Variants in MACROD2 observed in about 807,000 individuals in gnomAD.
MACROD2 encodes the protein ADP-ribose glycohydrolase MACROD2.
In MACROD2, 36 loss-of-function variants were observed where a neutral mutation model predicts 70.4. The observed-to-expected ratio is 0.51, with a 90% CI of 0.39 to 0.68. The LOEUF (loss-of-function observed/expected upper bound fraction) is 0.68. Among genes scored for constraint, MACROD2 ranks in the 30% least tolerant of loss-of-function variants. The probability of loss-of-function intolerance (pLI) is 0.00; values close to 1 mark genes in which losing one functional copy is unlikely to be tolerated. For synonymous variants in MACROD2, 172 were observed against 178.8 expected, an observed-to-expected ratio of 0.96 and a Z score of 0.30; for missense variants, 496 against 538.4, an observed-to-expected ratio of 0.92 and a Z score of 0.78.
chr20:14,192,878 A>C (rs1468892262), intron 3 of MACROD2, among the ~76,000 whole-genome samples: 1 of 152,216 alleles, frequency 6.6e-6, no homozygotes, highest in Non-Finnish European at 1.5e-5. Flanking sequence ...AAAGGAGCTG[A>C]AGAAAAAATG....
At chr20:14,282,567 G>A (rs2082314613) in intron 3 of MACROD2, among the ~76,000 whole-genome samples, 1 of 152,198 alleles carries the variant, frequency 6.6e-6, no homozygotes, top group South Asian at 2.1e-4. Context: ...CTTGTATTCG[G>A]CCATTCTTGG....
intron 5 of MACROD2, among the ~76,000 whole-genome samples, chr20:14,840,765 T>C (rs924393027): frequency 2.0e-5 from 3 of 152,136 alleles, no homozygotes; most frequent in Non-Finnish European, 2.9e-5. Flanking sequence ...AAGAAGTCTT[T>C]TTCACTTTAC....
intron 6 of MACROD2, among the ~76,000 whole-genome samples, chr20:15,243,100 G>A (rs539145062): frequency 2.0e-5 from 3 of 152,238 alleles, no homozygotes; most frequent in Non-Finnish European, 4.4e-5. Flanking sequence ...ACCCAGGAAC[G>A]AATGTGATCT....
intron 9 of MACROD2, among the ~76,000 whole-genome samples, chr20:15,868,956 ATTTG>A (rs2064534057): frequency 1.3e-5 from 2 of 150,532 alleles, no homozygotes; most frequent in South Asian, 2.1e-4. Context: ...AGCTAATTTT[ATTTG>A]TTTGTTTGTT....
At chr20:15,578,316 C>T (rs781746719) in intron 8 of MACROD2, among the ~76,000 whole-genome samples, 19 of 152,264 alleles carry the variant, frequency 1.2e-4, no homozygotes, top group Admixed American at 5.2e-4. Flanking sequence ...ATAAACAAAG[C>T]GTGAATCCTG....
chr20:15,079,148 C>A (rs1019638988), intron 5 of MACROD2, among the ~76,000 whole-genome samples: 3 of 152,154 alleles, frequency 2.0e-5, no homozygotes, highest in African/African-American at 7.2e-5. Context: ...GAATCAACTT[C>A]TTTGAAATGT....
intron 6 of MACROD2, among the ~76,000 whole-genome samples, chr20:15,231,642 G>C (rs1289556073): frequency 6.6e-6 from 1 of 152,002 alleles, no homozygotes; most frequent in Non-Finnish European, 1.5e-5. Flanking sequence ...TTTTAATAGA[G>C]AAAGGAATCT....
chr20:15,862,878 AGC>A, intron 9 of MACROD2, 52 bp downstream of exon 9: 13 of 1,329,192 alleles, frequency 9.8e-6, no homozygotes, highest in Non-Finnish European at 1.4e-5. Context: ...GAAGAAGTGG[AGC>A]CGTCACTTCT....
At chr20:15,952,655 C>G (rs932985175) in intron 12 of MACROD2, among the ~76,000 whole-genome samples, 1 of 152,154 alleles carries the variant, frequency 6.6e-6, no homozygotes, top group African/African-American at 2.4e-5. Flanking sequence ...ATGGTCAAAG[C>G]CCCTCCCAGA....
intron 7 of MACROD2, among the ~76,000 whole-genome samples, chr20:15,458,445 G>A (rs2046760010): frequency 2.0e-5 from 3 of 151,956 alleles, no homozygotes; most frequent in African/African-American, 7.2e-5. Context: ...CACCATCAGT[G>A]ATAAAATCAT....
intron 2 of MACROD2, among the ~76,000 whole-genome samples, chr20:14,006,716 T>A (rs185653911): frequency 6.6e-6 from 1 of 152,304 alleles, no homozygotes; most frequent in East Asian, 1.9e-4. Flanking sequence ...CCTTTCTCTG[T>A]CCTTTTTTCC....
chr20:15,185,059 C>A (rs1043457764), intron 5 of MACROD2, among the ~76,000 whole-genome samples: 1 of 152,152 alleles, frequency 6.6e-6, no homozygotes, highest in South Asian at 2.1e-4. Flanking sequence ...GAGCTTGACA[C>A]TTTGTTGATT....
chr20:14,558,817 C>G (rs1979234183), intron 4 of MACROD2, among the ~76,000 whole-genome samples: 1 of 151,668 alleles, frequency 6.6e-6, no homozygotes, highest in South Asian at 2.1e-4. Context: ...AGAGCTGCTT[C>G]TGTCTTTTTA....
chr20:14,380,330 T>C (rs73092459), intron 3 of MACROD2, among the ~76,000 whole-genome samples: 8,325 of 152,200 alleles, frequency 0.055, 328 homozygotes, highest in Non-Finnish European at 0.084. Flanking sequence ...ATGTGATATA[T>C]GATTTGTAAA....
In MACROD2 at chr20:14,067,123, G is replaced by GTTTT. The variant is rs544348706; in HGVS notation, c.164-18482_164-18479dup. On this transcript the variant is annotated intron_variant, in intron 2 of 17. Transcript: ENST00000684519. ...ACTGCACCTGGCCTGATTTTTTAGTGTTTTTTTTTTTTTTTTTTTGAGACA... is the reference window on the plus strand; with the variant it reads ...ACTGCACCTGGCCTGATTTTTTAGTGTTTTTTTTTTTTTTTTTTTTTTTGAGACA... 1.5e-3 allele frequency among the ~76,000 whole-genome samples: 125 copies of GTTTT among 85,040 alleles called. 4 individuals carry two copies. The highest frequency in any genetic ancestry group is 5.4e-3 in the East Asian group (15 of 2,794). 55.8% of individuals were successfully genotyped at this position (85,040 alleles called of 152,430 possible).
intron 3 of MACROD2, chr20:14,322,994 G>A (rs1222832256): frequency 1.3e-5 from 2 of 152,180 alleles, no homozygotes. Flanking sequence ...CTCAAAGTGT[G>A]TATGTGTGTT....
chr20:14,504,117 C>A (rs757606600), intron 4 of MACROD2, among the ~76,000 whole-genome samples: 1 of 152,152 alleles, frequency 6.6e-6, no homozygotes, highest in Non-Finnish European at 1.5e-5. Flanking sequence ...TGGACTGTTT[C>A]TATTGTGTTC....
chr20:15,995,445 G>A (rs113024756), intron 15 of MACROD2, among the ~76,000 whole-genome samples: 7,709 of 151,416 alleles, frequency 0.051, 438 homozygotes, highest in African/African-American at 0.14. Flanking sequence ...CGCCTCCCAG[G>A]TTCACGCCAT....
chr20:14,788,261 G>A (rs1263724174), intron 5 of MACROD2, among the ~76,000 whole-genome samples: 1 of 151,974 alleles, frequency 6.6e-6, no homozygotes, highest in Non-Finnish European at 1.5e-5. Context: ...AGCAGTGTAT[G>A]CAGAAACTTT....
Sources: allele counts gnomAD v4.1 joint callset (sites outside exome capture counted in the v4.1 genomes callset), GRCh38; gene constraint gnomAD v4.1.1; transcripts MANE v1.5; gene names NCBI Gene and HGNC (gene_info 2026-07-23, HGNC 2026-07-21).